CTNNA1: variants seen among roughly 807,000 people sequenced by gnomAD.
The protein encoded by CTNNA1 is catenin alpha-1.
In CTNNA1, 37 loss-of-function variants were observed where a neutral mutation model predicts 98.4. The observed-to-expected ratio is 0.38, with a 90% CI of 0.29 to 0.49. CTNNA1 has a LOEUF of 0.49. CTNNA1 is among the 20% of genes least tolerant of loss of function. CTNNA1 has a pLI of 0.95. For synonymous variants in CTNNA1, 404 were observed against 413.2 expected (o/e 0.98, Z 0.27); for missense variants, 761 against 1,147.2 (o/e 0.66, Z 4.86).
chr5:138,791,977 A>G (rs893703164), intron 3 of CTNNA1, among the ~76,000 whole-genome samples: 1 of 152,036 alleles, frequency 6.6e-6, no homozygotes, highest in African/African-American at 2.4e-5. Flanking sequence ...AAATCTTTAA[A>G]GCATGAAATT....
chr5:138,907,974 T>A (rs1179937626), intron 10 of CTNNA1, among the ~76,000 whole-genome samples: 1 of 151,868 alleles, frequency 6.6e-6, no homozygotes, highest in African/African-American at 2.4e-5. Flanking sequence ...CCGCCCTTTT[T>A]TTTTTCTTCT....
At chr5:138,795,503 C>A (rs942943361) in intron 3 of CTNNA1, among the ~76,000 whole-genome samples, 1 of 151,828 alleles carries the variant, frequency 6.6e-6, no homozygotes, top group Non-Finnish European at 1.5e-5. Flanking sequence ...TTGGTGAGAT[C>A]CCTTAATCAA....
chr5:138,874,326 C>G lies in CTNNA1; in HGVS notation c.1063-11886C>G, dbSNP rs774889271. 1 of 1,614,012 alleles carries G rather than the reference C, an allele frequency of 6.2e-7. No individual in the cohort carries two copies. The highest frequency in any genetic ancestry group is 1.3e-5 in the African/African-American group (1 of 75,038). ...AGTTGACTGAAGCTGGCAAATTGAT[C>G]TCTTTCGAGCTCTGTGATGTGATTG... On this transcript the variant is annotated intron_variant, in intron 7 of 17. Transcript: ENST00000302763. This position sits in a 1 kb window ranked among gnomAD's most constrained non-coding sequence, Gnocchi z 4.1.
At chr5:138,824,405 T>G in intron 5 of CTNNA1, 125 bp from the exon 6 acceptor site, 1 of 1,057,708 alleles carries the variant, frequency 9.5e-7, no homozygotes, top group South Asian at 1.7e-5. Context: ...TCAACTAGAT[T>G]GTTAATGAAA....
At chr5:138,891,308 C>A (rs1362105328) in intron 9 of CTNNA1, 1 of 152,126 alleles carries the variant, frequency 6.6e-6, no homozygotes, top group Non-Finnish European at 1.5e-5. Flanking sequence ...TTGGATCCTT[C>A]AGCAGTGGGA....
intron 11 of CTNNA1, among the ~76,000 whole-genome samples, chr5:138,924,295 T>TTTA (rs1763541571): frequency 7.2e-6 from 1 of 139,466 alleles, no homozygotes; most frequent in South Asian, 2.3e-4. Flanking sequence ...TTTTTTTTTT[T>TTTA]AAAAACCTGG....
At chr5:138,868,825 A>T (rs570512405) in intron 7 of CTNNA1, 1 of 152,310 alleles carries the variant, frequency 6.6e-6, no homozygotes, top group East Asian at 1.9e-4. Flanking sequence ...GAATAAAACA[A>T]CTGTTCATTT....
intron 9 of CTNNA1, among the ~76,000 whole-genome samples, chr5:138,889,387 A>C (rs1336038189): frequency 6.6e-6 from 1 of 152,196 alleles, no homozygotes; most frequent in African/African-American, 2.4e-5. Flanking sequence ...ACTTCCCACA[A>C]CATTTCTCAG....
chr5:138,931,068 T>C (rs1448499721), intron 16 of CTNNA1, 133 bp downstream of exon 16: 1 of 650,532 alleles, frequency 1.5e-6, no homozygotes, highest in Non-Finnish European at 2.8e-6. Context: ...TTCTTATTAA[T>C]CCCAGCATAG....
intron 7 of CTNNA1, among the ~76,000 whole-genome samples, chr5:138,835,105 G>C (rs1486488079): frequency 6.6e-6 from 1 of 152,126 alleles, no homozygotes. Context: ...CAGTTAGGGT[G>C]GGGCAGGAAC....
chr5:138,786,408 G>A (rs995083082), intron 3 of CTNNA1, among the ~76,000 whole-genome samples: 25 of 152,268 alleles, frequency 1.6e-4, no homozygotes, highest in Admixed American at 6.5e-5. Flanking sequence ...TGTTGGCTAT[G>A]TCGTTGAAGC....
intron 5 of CTNNA1, among the ~76,000 whole-genome samples, chr5:138,814,804 A>C (rs1759249163): frequency 6.6e-6 from 1 of 151,832 alleles, no homozygotes; most frequent in Non-Finnish European, 1.5e-5. Flanking sequence ...CCCACGCTGG[A>C]GTGCAGTGGT....
chr5:138,926,608 T>C (rs2150306283), intron 13 of CTNNA1, among the ~76,000 whole-genome samples: 1 of 152,284 alleles, frequency 6.6e-6, no homozygotes, highest in Middle Eastern at 3.4e-3. Flanking sequence ...TGGGCATTGC[T>C]CTCGGTGCTT....
chr5:138,852,861 G>GCGCGCGCGCACGCGCACACACACA lies in CTNNA1; in HGVS notation c.1062+25152_1062+25153insACGCGCACACACACACGCGCGCGC, dbSNP rs369346307. On this transcript the variant is annotated intron_variant, in intron 7 of 17. Transcript: ENST00000302763. The stretch of plus-strand genomic sequence containing the variant: ...ATTCCTGCTTCCCTTCCCTCTTTTC[G>GCGCGCGCGCACGCGCACACACACA]CGCGCGCGCGCACACACACATTTTT... Among the ~76,000 whole-genome samples the GCGCGCGCGCACGCGCACACACACA allele has an allele frequency of 2.1e-3, 310 of 146,186 alleles. 4 individuals are homozygous for GCGCGCGCGCACGCGCACACACACA. The highest frequency in any genetic ancestry group is 0.011 in the Admixed American group (167 of 14,680).
chr5:138,809,257 A>C (rs1257724436), intron 3 of CTNNA1, among the ~76,000 whole-genome samples: 2 of 152,204 alleles, frequency 1.3e-5, no homozygotes, highest in African/African-American at 4.8e-5. Context: ...TTATAGATAC[A>C]ATACCTCTTC....
chr5:138,870,376 T>A (rs1235442264), intron 7 of CTNNA1: 1 of 152,262 alleles, frequency 6.6e-6, no homozygotes, highest in Non-Finnish European at 1.5e-5. Flanking sequence ...AATACCTTTT[T>A]GGTACTACTG....
Position 138,809,256 on chromosome 5 carries a change from C to T in CTNNA1, c.302-782C>T, listed in dbSNP as rs190992791. On this transcript the variant is annotated intron_variant, in intron 3 of 17. Coordinates refer to ENST00000302763, the MANE Select transcript of CTNNA1 (RefSeq NM_001903.5). Reference sequence around the variant, plus strand: ...GCTAGTTTTTAAAAAATTATAGATACAATACCTCTTCATTATAGAAACTTT... The same window carrying T: ...GCTAGTTTTTAAAAAATTATAGATATAATACCTCTTCATTATAGAAACTTT... Among the ~76,000 whole-genome samples, 671 of 152,238 alleles carry T rather than the reference C, an allele frequency of 4.4e-3. 10 individuals carry two copies. The highest frequency in any genetic ancestry group is 0.01 in the African/African-American group (433 of 41,532).
intron 3 of CTNNA1, among the ~76,000 whole-genome samples, chr5:138,785,989 G>C (rs1338368531): frequency 6.6e-6 from 1 of 152,126 alleles, no homozygotes; most frequent in Non-Finnish European, 1.5e-5. Context: ...CAAATATGTA[G>C]CAATCATGGT....
chr5:138,874,622 TA>T lies in CTNNA1; in HGVS notation c.1063-11582del. 7 of 1,011,182 alleles carry T rather than the reference TA, an allele frequency of 6.9e-6. No individual in the cohort carries two copies. The highest frequency in any genetic ancestry group is 8.5e-6 in the Non-Finnish European group (6 of 706,602). The allele number at this position is 1,011,182 out of a possible 1,614,324, so 62.6% of individuals were successfully genotyped here. A position where few individuals can be genotyped will look rare whatever the true frequency, so the allele number is the denominator to read the frequency against. On this transcript the variant is annotated intron_variant, in intron 7 of 17. Coordinates refer to ENST00000302763, the MANE Select transcript of CTNNA1 (RefSeq NM_001903.5). The surrounding 1 kb of genome is among the most constrained non-coding windows in gnomAD (Gnocchi z 4.1). ...TTTTCAGCAGAACATATGGGCTATT[TA>T]AAAAAAACAACCACCACCAACATTA...
Sources: allele counts gnomAD v4.1 joint callset (sites outside exome capture counted in the v4.1 genomes callset), GRCh38; gene constraint gnomAD v4.1.1; non-coding constraint Gnocchi (gnomAD v3.1); transcripts MANE v1.5; gene names NCBI Gene and HGNC (gene_info 2026-07-23, HGNC 2026-07-21).